Variants in ESR1 observed in about 807,000 individuals in gnomAD.
ESR1 encodes estrogen receptor.
ESR1 carries 12 observed loss-of-function variants against 52.7 expected under a neutral mutation model. The ratio of observed to expected loss-of-function variants is 0.23; its 90% CI spans 0.15 to 0.37. The LOEUF (loss-of-function observed/expected upper bound fraction) is 0.37, where lower values mean the gene tolerates loss of function less well. Among genes scored for constraint, ESR1 ranks in the 10% least tolerant of loss-of-function variants. The pLI is 1.00. For synonymous variants in ESR1, 305 were observed against 316.8 expected (o/e 0.96, Z 0.39); for missense variants, 584 against 779.7 (o/e 0.75, Z 2.99).
intron 1 of ESR1, among the ~76,000 whole-genome samples, chr6:151,832,979 A>C (rs1782695966): frequency 6.6e-6 from 1 of 152,176 alleles, no homozygotes; most frequent in Admixed American, 6.5e-5. Context: ...GATGATGATA[A>C]GGACTCCAGA....
chr6:151,712,324 G>T (rs1780678221), intron 2 of ESR1, among the ~76,000 whole-genome samples: 1 of 152,080 alleles, frequency 6.6e-6, no homozygotes, highest in African/African-American at 2.4e-5. Flanking sequence ...GGCTATACGG[G>T]CTTTTTTTTG....
At chr6:151,918,275 A>G (rs2030800013) in intron 3 of ESR1, among the ~76,000 whole-genome samples, 1 of 152,236 alleles carries the variant, frequency 6.6e-6, no homozygotes, top group African/African-American at 2.4e-5. Flanking sequence ...TTGAGGAACA[A>G]GATCTGCCAC....
chr6:152,023,255 G>A (rs2043837735), intron 5 of ESR1, among the ~76,000 whole-genome samples: 1 of 152,016 alleles, frequency 6.6e-6, no homozygotes, highest in Non-Finnish European at 1.5e-5. Flanking sequence ...AAAACAGTGG[G>A]GCTCTAGTTC....
intron 2 of ESR1, among the ~76,000 whole-genome samples, chr6:151,785,888 G>A (rs1267191053): frequency 6.6e-6 from 1 of 152,186 alleles, no homozygotes; most frequent in Non-Finnish European, 1.5e-5. Flanking sequence ...TGAGTGTGAA[G>A]GAGGGGTTAA....
chr6:151,662,287 C>T (rs141845033), intron 1 of ESR1, among the ~76,000 whole-genome samples: 2 of 152,254 alleles, frequency 1.3e-5, no homozygotes, highest in Admixed American at 6.5e-5. Context: ...ATTTCTTTTC[C>T]TGTATTTGGT....
intron 1 of ESR1, among the ~76,000 whole-genome samples, chr6:151,828,565 A>G (rs1021021291): frequency 6.6e-6 from 1 of 152,224 alleles, no homozygotes; most frequent in African/African-American, 2.4e-5. Flanking sequence ...TGCAAAGTAC[A>G]TGGAAGGGGA....
chr6:152,126,471 T>C (rs1285637691), exon 7 of ESR1: 5 of 152,258 alleles, frequency 3.3e-5, no homozygotes, highest in Admixed American at 3.3e-4. Flanking sequence ...CATTCTCCTC[T>C]GGTCTTATTA....
chr6:151,956,732 A>T (rs1378794587), intron 4 of ESR1, among the ~76,000 whole-genome samples: 1 of 150,312 alleles, frequency 6.7e-6, no homozygotes, highest in African/African-American at 2.4e-5. Context: ...TTCTTTTCCA[A>T]AAAAAACAAC....
chr6:152,027,186 G>A (rs908353044), intron 5 of ESR1, among the ~76,000 whole-genome samples: 10 of 152,030 alleles, frequency 6.6e-5, no homozygotes, highest in African/African-American at 1.2e-4. Context: ...GGCTGGTCAC[G>A]AATTCCTGAC....
At chr6:152,029,633 G>A (rs545854221) in intron 5 of ESR1, among the ~76,000 whole-genome samples, 57 of 152,232 alleles carry the variant, frequency 3.7e-4, no homozygotes, top group African/African-American at 1.3e-3. Context: ...AAGAAATATG[G>A]GACTATGTGA....
At chr6:151,922,062 A>G (rs2031802774) in intron 3 of ESR1, among the ~76,000 whole-genome samples, 1 of 152,092 alleles carries the variant, frequency 6.6e-6, no homozygotes, top group South Asian at 2.1e-4. Context: ...ACTTCAAACT[A>G]TGCTACAAAA....
At chr6:152,067,825 C>T (rs1562748565) in intron 6 of ESR1, among the ~76,000 whole-genome samples, 1 of 152,138 alleles carries the variant, frequency 6.6e-6, no homozygotes. Flanking sequence ...AAAACTCCAT[C>T]TCAAAAAATT....
At chr6:152,107,835 C>G (rs762586138), downstream of ESR1, among the ~76,000 whole-genome samples, 1 of 152,128 alleles carries the variant, frequency 6.6e-6, no homozygotes, top group African/African-American at 2.4e-5. Context: ...TATTTGGCTT[C>G]TGATATTTCT....
In ESR1 at chr6:151,961,260, A is replaced by G. The variant is rs533072081; in HGVS notation, c.1096+16752A>G. Reference sequence around the variant, plus strand: ...GTCAGAAAGAAGAGAGGGAACCCGCAAAGGAGATTGAAATGGAATCCATCT... The same window carrying G: ...GTCAGAAAGAAGAGAGGGAACCCGCGAAGGAGATTGAAATGGAATCCATCT... On this transcript the variant is annotated intron_variant, in intron 4 of 7. Coordinates refer to ENST00000206249, the MANE Select transcript of ESR1 (RefSeq NM_000125.4). 5.3e-5 allele frequency among the ~76,000 whole-genome samples: 8 copies of G among 152,314 alleles called. No homozygotes were observed. The South Asian group carries it at 1.7e-3, about 32-fold the overall frequency.
intron 2 of ESR1, among the ~76,000 whole-genome samples, chr6:151,868,534 C>G (rs1422667287): frequency 6.6e-6 from 1 of 151,738 alleles, no homozygotes; most frequent in African/African-American, 2.4e-5. Context: ...AAATATTTAG[C>G]TCCCACTTAT....
At chr6:151,672,784 T>A (rs1048179476) in intron 1 of ESR1, among the ~76,000 whole-genome samples, 5 of 151,914 alleles carry the variant, frequency 3.3e-5, no homozygotes, top group African/African-American at 1.2e-4. Context: ...AAACCTTTTT[T>A]AAAAATATGT....
chr6:151,952,879 G>C (rs1467511803), intron 4 of ESR1, among the ~76,000 whole-genome samples: 4 of 152,168 alleles, frequency 2.6e-5, no homozygotes, highest in African/African-American at 9.7e-5. Context: ...TCGTATATGT[G>C]CAAAATAAAT....
At chr6:151,717,533 T>G (rs192270725) in intron 2 of ESR1, among the ~76,000 whole-genome samples, 1 of 152,226 alleles carries the variant, frequency 6.6e-6, no homozygotes, top group Non-Finnish European at 1.5e-5. Context: ...TGTGTTAGGT[T>G]TTTCCATAAG....
At chr6:151,965,597 G>A (rs1002621866) in intron 4 of ESR1, among the ~76,000 whole-genome samples, 1 of 151,840 alleles carries the variant, frequency 6.6e-6, no homozygotes, top group Non-Finnish European at 1.5e-5. Context: ...TAATGAGTTC[G>A]ATTATAGTTT....
Sources: allele counts gnomAD v4.1 joint callset (sites outside exome capture counted in the v4.1 genomes callset), GRCh38; gene constraint gnomAD v4.1.1; transcripts MANE v1.5; gene names NCBI Gene and HGNC (gene_info 2026-07-23, HGNC 2026-07-21).